Variants in EPHA5 observed in about 807,000 individuals in gnomAD.
The protein encoded by EPHA5 is EPH receptor A5.
EPHA5 carries 60 observed loss-of-function variants against 105.0 expected under a neutral mutation model. The observed-to-expected ratio is 0.57, with a 90% confidence interval of 0.46 to 0.71. EPHA5 has a LOEUF of 0.71. Among genes scored for constraint, EPHA5 ranks in the 30% least tolerant of loss-of-function variants. EPHA5 has a pLI of 0.00. For synonymous variants in EPHA5, 513 were observed against 449.1 expected, an observed-to-expected ratio of 1.14 and a Z score of -1.80; for missense variants, 1,218 against 1,274.7, an observed-to-expected ratio of 0.96 and a Z score of 0.68.
chr4:65,623,373 T>G (rs770270566), intron 2 of EPHA5, among the ~76,000 whole-genome samples: 24 of 151,978 alleles, frequency 1.6e-4, no homozygotes, highest in Non-Finnish European at 2.6e-4. Context: ...AATCCATTTA[T>G]TTGTTCTTTC....
At chr4:65,440,177 A>G (rs1055724592) in intron 5 of EPHA5, among the ~76,000 whole-genome samples, 4 of 152,034 alleles carry the variant, frequency 2.6e-5, no homozygotes, top group African/African-American at 9.7e-5. Context: ...CTTCAGAAAT[A>G]TTGTCATTAA....
chr4:65,599,467 T>G (rs34836748), intron 3 of EPHA5, among the ~76,000 whole-genome samples: 56,725 of 151,876 alleles, frequency 0.37, 11,184 homozygotes, highest in African/African-American at 0.5. Flanking sequence ...CAAGATGTAT[T>G]TATTCATTCA....
chr4:65,491,939 GA>G (rs1329111405), intron 4 of EPHA5, among the ~76,000 whole-genome samples: 1 of 152,012 alleles, frequency 6.6e-6, no homozygotes, highest in East Asian at 1.9e-4. Flanking sequence ...TAATCTCAAA[GA>G]AAAAACACAT....
At chr4:65,458,124 T>A (rs1416746592) in intron 5 of EPHA5, among the ~76,000 whole-genome samples, 3 of 151,494 alleles carry the variant, frequency 2.0e-5, no homozygotes, top group Non-Finnish European at 4.4e-5. Context: ...AGGAAGTTTT[T>A]ATACTAAGAT....
chr4:65,382,422 A>G (rs1204606501), intron 8 of EPHA5, among the ~76,000 whole-genome samples: 2 of 151,914 alleles, frequency 1.3e-5, no homozygotes, highest in Non-Finnish European at 2.9e-5. Flanking sequence ...TGATTCAATT[A>G]GCAAATGTTA....
chr4:65,421,350 C>T (rs75475912), intron 5 of EPHA5, among the ~76,000 whole-genome samples: 2,613 of 152,104 alleles, frequency 0.017, 66 homozygotes, highest in African/African-American at 0.059. Flanking sequence ...AAAGACATGG[C>T]AACATAGAAT....
intron 3 of EPHA5, among the ~76,000 whole-genome samples, chr4:65,554,092 A>G (rs939103159): frequency 6.6e-6 from 1 of 151,528 alleles, no homozygotes; most frequent in Non-Finnish European, 1.5e-5. Context: ...TTCAAAATGT[A>G]CTATTATTTT....
chr4:65,448,182 G>T (rs1032054645), intron 5 of EPHA5, among the ~76,000 whole-genome samples: 3 of 149,944 alleles, frequency 2.0e-5, no homozygotes, highest in African/African-American at 7.4e-5. Flanking sequence ...AGCTCTTTTA[G>T]AGGACAATTA....
chr4:65,453,099 A>T (rs1235457016), intron 5 of EPHA5, among the ~76,000 whole-genome samples: 1 of 152,130 alleles, frequency 6.6e-6, no homozygotes. Flanking sequence ...TCATTTTTTG[A>T]TACTCGTAAT....
intron 3 of EPHA5, among the ~76,000 whole-genome samples, chr4:65,547,298 G>GAAAAAAAAAAAAA (rs71657184): frequency 7.2e-6 from 1 of 139,454 alleles, no homozygotes; most frequent in Non-Finnish European, 1.5e-5. Context: ...AAGCCAAGTG[G>GAAAAAAAAAAAAA]AAAAAAAAAA....
intron 11 of EPHA5, among the ~76,000 whole-genome samples, chr4:65,363,061 A>G (rs1054435127): frequency 6.6e-6 from 1 of 151,638 alleles, no homozygotes; most frequent in Non-Finnish European, 1.5e-5. Context: ...ATAAGGTTTC[A>G]GTGAAGTTGA....
intron 3 of EPHA5, among the ~76,000 whole-genome samples, chr4:65,513,396 G>GT (rs368156214): frequency 9.2e-5 from 14 of 151,972 alleles, no homozygotes; most frequent in South Asian, 2.1e-4. Flanking sequence ...GTTTTGTTTT[G>GT]TTTTTTCTGA....
chr4:65,568,263 T>G (rs1229419166), intron 3 of EPHA5, among the ~76,000 whole-genome samples: 1 of 151,470 alleles, frequency 6.6e-6, no homozygotes, highest in Non-Finnish European at 1.5e-5. Flanking sequence ...TAATAATTGT[T>G]GAAGGATAAT....
intron 3 of EPHA5, among the ~76,000 whole-genome samples, chr4:65,595,472 T>C (rs1185844619): frequency 1.3e-5 from 2 of 152,160 alleles, no homozygotes; most frequent in Non-Finnish European, 2.9e-5. Flanking sequence ...GTATTATTCT[T>C]TGATAAATTA....
At chr4:65,661,218 G>C (rs928868414) in intron 1 of EPHA5, among the ~76,000 whole-genome samples, 1 of 152,086 alleles carries the variant, frequency 6.6e-6, no homozygotes, top group African/African-American at 2.4e-5. Context: ...AACCATGTTT[G>C]TTTTTTAATT....
intron 9 of EPHA5, among the ~76,000 whole-genome samples, chr4:65,366,421 G>T (rs964173051): frequency 6.6e-6 from 1 of 151,774 alleles, no homozygotes; most frequent in Non-Finnish European, 1.5e-5. Context: ...GATGATATTC[G>T]ATATAATCCC....
intron 3 of EPHA5, among the ~76,000 whole-genome samples, chr4:65,588,773 A>G (rs184572258): frequency 3.9e-4 from 59 of 152,280 alleles, no homozygotes; most frequent in African/African-American, 1.4e-3. Flanking sequence ...AAAGCTTCTG[A>G]GTCCTTAAAG....
chr4:65,384,733 T>C (rs918766771), intron 8 of EPHA5, among the ~76,000 whole-genome samples: 5 of 151,930 alleles, frequency 3.3e-5, no homozygotes, highest in Non-Finnish European at 7.4e-5. Flanking sequence ...AGAGATAATC[T>C]TTACTAGTTC....
At chr4:65,498,080 T>C (rs1732122825) in intron 3 of EPHA5, among the ~76,000 whole-genome samples, 1 of 151,950 alleles carries the variant, frequency 6.6e-6, no homozygotes, top group South Asian at 2.1e-4. Flanking sequence ...ATTTGAAAGA[T>C]TATGAAAATG....
Sources: allele counts gnomAD v4.1 joint callset (sites outside exome capture counted in the v4.1 genomes callset), GRCh38; gene constraint gnomAD v4.1.1; transcripts MANE v1.5; gene names NCBI Gene and HGNC (gene_info 2026-07-23, HGNC 2026-07-21).